The following NRG3 variants were observed in gnomAD, a reference collection of about 807,000 sequenced individuals.
NRG3 encodes the protein neuregulin 3.
Under a neutral mutation model 66.9 loss-of-function variants are expected in NRG3, and 31 were observed. That is an observed-to-expected ratio of 0.46 (90% CI 0.35 to 0.63). The LOEUF is 0.63. Ranked by LOEUF, NRG3 falls within the 20% of genes least tolerant of loss-of-function variation. The probability of loss-of-function intolerance (pLI) is 0.00; values close to 1 mark genes in which losing one functional copy is unlikely to be tolerated. For missense variants in NRG3, 910 were observed against 878.9 expected (o/e 1.04, Z -0.45); for synonymous variants, 393 against 359.4 (o/e 1.09, Z -1.06).
chr10:82,718,518 A>C (rs1224810888), intron 2 of NRG3, among the ~76,000 whole-genome samples: 1 of 152,210 alleles, frequency 6.6e-6, no homozygotes, highest in Non-Finnish European at 1.5e-5. Flanking sequence ...TTTGACAATG[A>C]AAACTCATGG....
chr10:82,304,729 A>G (rs1324922703), intron 1 of NRG3, among the ~76,000 whole-genome samples: 1 of 152,032 alleles, frequency 6.6e-6, no homozygotes, highest in Non-Finnish European at 1.5e-5. Flanking sequence ...GAAATTCCCT[A>G]CCATCTTTCT....
At chr10:82,836,622 T>C (rs1309908664) in intron 3 of NRG3, among the ~76,000 whole-genome samples, 1 of 152,180 alleles carries the variant, frequency 6.6e-6, no homozygotes, top group Non-Finnish European at 1.5e-5. Flanking sequence ...TTAGGTATTG[T>C]AAGTGATCTA....
chr10:82,736,108 A>C (rs1419890029), intron 2 of NRG3, among the ~76,000 whole-genome samples: 2 of 152,182 alleles, frequency 1.3e-5, no homozygotes, highest in African/African-American at 4.8e-5. Flanking sequence ...TCAAAAAGAA[A>C]AAAGAAAATA....
intron 2 of NRG3, among the ~76,000 whole-genome samples, chr10:82,533,092 C>CTT (rs1199610478): frequency 7.2e-6 from 1 of 139,422 alleles, no homozygotes; most frequent in Non-Finnish European, 1.6e-5. Flanking sequence ...ATTTGTATAT[C>CTT]TTTTTTTTTT....
At chr10:82,074,420 C>T (rs1040732592) in intron 1 of NRG3, among the ~76,000 whole-genome samples, 6 of 151,762 alleles carry the variant, frequency 4.0e-5, no homozygotes, top group Admixed American at 2.0e-4. Context: ...TGTTTTGAGC[C>T]GAAATGTGAC....
intron 1 of NRG3, among the ~76,000 whole-genome samples, chr10:82,157,610 A>C (rs1211500976): frequency 2.6e-5 from 4 of 151,712 alleles, no homozygotes; most frequent in Non-Finnish European, 4.4e-5. Flanking sequence ...CAATTCAGGG[A>C]GGTCAGGAAA....
chr10:82,192,994 AGAG>A (rs2074244504), intron 1 of NRG3, among the ~76,000 whole-genome samples: 1 of 151,176 alleles, frequency 6.6e-6, no homozygotes, highest in Non-Finnish European at 1.5e-5. Context: ...AGAGAGAGAG[AGAG>A]TTTGTGAGGT....
chr10:82,604,301 G>A (rs1032813238), intron 2 of NRG3, among the ~76,000 whole-genome samples: 1 of 152,034 alleles, frequency 6.6e-6, no homozygotes, highest in African/African-American at 2.4e-5. Context: ...ATAATATGTA[G>A]CCTTTTCACA....
At chr10:82,624,566 A>C (rs1209412543) in intron 2 of NRG3, among the ~76,000 whole-genome samples, 1 of 152,076 alleles carries the variant, frequency 6.6e-6, no homozygotes, top group Non-Finnish European at 1.5e-5. Context: ...CGTAAATTAC[A>C]GCATAAAATA....
intron 3 of NRG3, among the ~76,000 whole-genome samples, chr10:82,743,096 C>A (rs1309581314): frequency 6.6e-6 from 1 of 152,114 alleles, no homozygotes; most frequent in Admixed American, 6.5e-5. Context: ...ACAGCCGTTT[C>A]TACCCCACCC....
At chr10:82,121,746 C>T (rs1323567900) in intron 1 of NRG3, among the ~76,000 whole-genome samples, 1 of 152,072 alleles carries the variant, frequency 6.6e-6, no homozygotes, top group South Asian at 2.1e-4. Context: ...TGGGCTCAAA[C>T]GGTCCTCCCA....
At chr10:82,238,197 G>A (rs1464894242) in intron 1 of NRG3, among the ~76,000 whole-genome samples, 1 of 151,974 alleles carries the variant, frequency 6.6e-6, no homozygotes, top group East Asian at 1.9e-4. Context: ...TATTCCTTTT[G>A]TAGTGTTGTT....
chr10:82,555,078 GCCATATGGCCAGTCCA>G (rs1565064700), intron 2 of NRG3, among the ~76,000 whole-genome samples: 2 of 152,146 alleles, frequency 1.3e-5, no homozygotes, highest in African/African-American at 4.8e-5. Flanking sequence ...CAAACCAATT[GCCATATGGCCAGTCCA>G]TATTTAGAGG....
intron 2 of NRG3, among the ~76,000 whole-genome samples, chr10:82,477,068 A>G (rs1841849869): frequency 6.6e-6 from 1 of 152,116 alleles, no homozygotes. Context: ...CCACATGTGA[A>G]CTAGTGCTGC....
chr10:82,712,371 C>T (rs540869127), intron 2 of NRG3, among the ~76,000 whole-genome samples: 11 of 152,106 alleles, frequency 7.2e-5, no homozygotes, highest in Non-Finnish European at 1.3e-4. Context: ...GATTTGTTTC[C>T]GACGTGAAAG....
chr10:82,006,765 G>A (rs1340028074), intron 1 of NRG3, among the ~76,000 whole-genome samples: 3 of 151,866 alleles, frequency 2.0e-5, no homozygotes, highest in Non-Finnish European at 4.4e-5. Context: ...TTTATTTTAA[G>A]GTCATTTATT....
intron 2 of NRG3, among the ~76,000 whole-genome samples, chr10:82,430,289 G>T (rs991331486): frequency 2.0e-5 from 3 of 151,182 alleles, no homozygotes; most frequent in Admixed American, 2.0e-4. Context: ...ATGGAGTCTC[G>T]CTCTGTCACC....
intron 1 of NRG3, among the ~76,000 whole-genome samples, chr10:82,017,369 T>C (rs1033563003): frequency 1.3e-5 from 2 of 152,222 alleles, no homozygotes; most frequent in Non-Finnish European, 2.9e-5. Context: ...TCCAAGTCGT[T>C]GCTATTTTGA....
At chr10:82,883,059 C>T (rs1842435590) in intron 4 of NRG3, among the ~76,000 whole-genome samples, 1 of 152,100 alleles carries the variant, frequency 6.6e-6, no homozygotes, top group Non-Finnish European at 1.5e-5. Context: ...AAAATATTTA[C>T]TTTTATAAGT....
Sources: allele counts gnomAD v4.1 joint callset (sites outside exome capture counted in the v4.1 genomes callset), GRCh38; gene constraint gnomAD v4.1.1; transcripts MANE v1.5; gene names NCBI Gene and HGNC (gene_info 2026-07-23, HGNC 2026-07-21).